RBM44: variants seen among roughly 807,000 people sequenced by gnomAD.
The protein encoded by RBM44 is RNA-binding protein 44.
Under a neutral mutation model 105.1 loss-of-function variants are expected in RBM44, and 66 were observed. That is an observed-to-expected ratio of 0.63 (90% CI 0.52 to 0.77). The LOEUF is 0.77. Ranked by LOEUF, RBM44 falls within the 30% of genes least tolerant of loss-of-function variation. The pLI is 0.00. For synonymous variants in RBM44, 365 were observed against 417.6 expected, an observed-to-expected ratio of 0.87 and a Z score of 1.54; for missense variants, 1,122 against 1,207.8, an observed-to-expected ratio of 0.93 and a Z score of 1.05.
intron 1 of RBM44, among the ~76,000 whole-genome samples, chr2:237,806,332 A>C: frequency 6.6e-6 from 1 of 152,216 alleles, no homozygotes; most frequent in East Asian, 1.9e-4. Flanking sequence ...TTCTGGTTCT[A>C]TTAACTTTTA....
chr2:237,817,626 G>T lies in RBM44; in HGVS notation c.707G>T (p.Arg236Leu), dbSNP rs1298075035. 2 of 1,612,920 alleles carry T rather than the reference G, an allele frequency of 1.2e-6. No individual in the cohort carries two copies. The highest frequency in any genetic ancestry group is 4.5e-5 in the East Asian group (2 of 44,796). Residue 236 changes from arginine to leucine, a missense_variant, in exon 3 of 16, where the codon CGT (arginine) becomes CTT (leucine). Arg to Leu is a moderately radical substitution (Grantham distance 102). Transcript: ENST00000316997. ...VKCASNVEDN[R>L]VNSGSGSIIS... is the part of the protein sequence containing the mutation. ...TGTGCTAGCAATGTAGAAGATAATCGTGTTAACTCGGGAAGTGGTTCTATC... is the reference window on the plus strand; with the variant it reads ...TGTGCTAGCAATGTAGAAGATAATCTTGTTAACTCGGGAAGTGGTTCTATC...
intron 12 of RBM44, 45 bp downstream of exon 12, chr2:237,827,548 T>C (rs1463085070): frequency 4.5e-6 from 5 of 1,117,120 alleles, no homozygotes; most frequent in Non-Finnish European, 6.6e-6. Context: ...ATGTGTCTGC[T>C]GTTTGCCAAA....
chr2:237,831,244 G>T (rs56080185), intron 13 of RBM44, among the ~76,000 whole-genome samples: 5,203 of 43,918 alleles, frequency 0.12, 207 homozygotes, highest in Middle Eastern at 0.22. Flanking sequence ...CCTTTTTTTT[G>T]GGGGGGGGGG....
intron 12 of RBM44, 36 bp from the exon 13 acceptor site, chr2:237,829,181 T>G: frequency 6.5e-7 from 1 of 1,530,732 alleles, no homozygotes; most frequent in Non-Finnish European, 8.8e-7. Flanking sequence ...TTTGAAGTCA[T>G]TAACAACCTT....
At position 237,803,348 on chromosome 2, in the gene RBM44, C is replaced by T. The variant is rs1457288598; in HGVS notation, c.-19+4487C>T. Among the ~76,000 whole-genome samples the T allele has an allele frequency of 1.3e-5, 2 of 150,626 alleles. No individual in the cohort carries two copies. The highest frequency in any genetic ancestry group is 3.0e-5 in the Non-Finnish European group (2 of 67,530). On this transcript the variant is annotated intron_variant, in intron 1 of 15. Coordinates refer to ENST00000316997, the MANE Select transcript of RBM44 (RefSeq NM_001080504.3). The surrounding 1 kb of genome is among the most constrained non-coding windows in gnomAD (Gnocchi z 4.2). ...TCTCTCTCTCACACACACACACATACTTTCTCTCTCACTCACACACACACA... is the reference window on the plus strand; with the variant it reads ...TCTCTCTCTCACACACACACACATATTTTCTCTCTCACTCACACACACACA...
intron 10 of RBM44, among the ~76,000 whole-genome samples, chr2:237,826,452 C>G (rs1157218988): frequency 6.6e-6 from 1 of 152,130 alleles, no homozygotes; most frequent in Non-Finnish European, 1.5e-5. Context: ...ATCATGCTGT[C>G]TAACTCAAGT....
At chr2:237,809,653 T>C (rs529273200) in intron 1 of RBM44, among the ~76,000 whole-genome samples, 1 of 152,362 alleles carries the variant, frequency 6.6e-6, no homozygotes, top group African/African-American at 2.4e-5. Context: ...ATTCAAGCAG[T>C]AGGTAATTAC....
chr2:237,831,634 G>A (rs1304230061), intron 13 of RBM44, among the ~76,000 whole-genome samples: 3 of 152,142 alleles, frequency 2.0e-5, no homozygotes, highest in Non-Finnish European at 4.4e-5. Flanking sequence ...TATATTCAAT[G>A]TCTGTTTCTT....
chr2:237,826,361 T>C (rs2061847909), intron 10 of RBM44, among the ~76,000 whole-genome samples: 1 of 152,152 alleles, frequency 6.6e-6, no homozygotes, highest in African/African-American at 2.4e-5. Flanking sequence ...ATAGAGACTA[T>C]GAAAACGTAC....
rs1259029143 is a variant in RBM44 at position 237,817,258 on chromosome 2, T to C, written c.339T>C (p.Ser113=). ...ATGCTTTCTTGAATAAAACATATTC[T>C]ATACCTTATTCAGAGTCAAAACTAA... ...TDYAFLNKTY[S]IPYSESKLKK... is the part of the protein sequence containing the mutation. Residue 113 remains serine (S), a synonymous_variant, in exon 3 of 16, where the codon TCT becomes TCC. Transcript: ENST00000316997. 6.2e-7 allele frequency: 1 copy of C among 1,607,944 alleles called. No individual in the cohort carries two copies. Among genetic ancestry groups the C allele is most frequent in the Non-Finnish European group, 8.5e-7 (1 of 1,177,326 alleles).
intron 12 of RBM44, among the ~76,000 whole-genome samples, chr2:237,828,853 G>T (rs537728474): frequency 6.6e-6 from 1 of 151,834 alleles, no homozygotes; most frequent in African/African-American, 2.4e-5. Context: ...TGAAGTTTAC[G>T]TTTATACATA....
chr2:237,804,650 T>G (rs1275960587), intron 1 of RBM44, among the ~76,000 whole-genome samples: 1 of 152,236 alleles, frequency 6.6e-6, no homozygotes, highest in Non-Finnish European at 1.5e-5. Context: ...TTTTCACTTG[T>G]TGATTTGTTT....
rs1234229654 is a variant in RBM44 at position 237,817,949 on chromosome 2, A to T, written c.1030A>T (p.Asn344Tyr). 24 of 1,603,434 alleles carry T rather than the reference A, an allele frequency of 1.5e-5. No homozygotes were observed. Among genetic ancestry groups the T allele is most frequent in the Non-Finnish European group, 1.9e-5 (22 of 1,176,860 alleles). Reference protein sequence around the residue: ...QINEGKDFCGNKIVENKILLH... With the variant: ...QINEGKDFCGYKIVENKILLH... Reference sequence around the variant, plus strand: ...AAATGAAGGTAAAGATTTTTGTGGAAATAAAATTGTTGAGAACAAAATATT... The same window carrying T: ...AAATGAAGGTAAAGATTTTTGTGGATATAAAATTGTTGAGAACAAAATATT... Residue 344 changes from asparagine to tyrosine, a missense_variant, in exon 3 of 16, where the codon AAT becomes TAT. By Grantham distance (143) the Asn-to-Tyr change is moderately radical. Coordinates refer to ENST00000316997, the MANE Select transcript of RBM44 (RefSeq NM_001080504.3).
chr2:237,820,987 A>C (rs2061780951), intron 5 of RBM44, 84 bp from the exon 6 acceptor site: 2 of 1,012,274 alleles, frequency 2.0e-6, no homozygotes, highest in Non-Finnish European at 2.8e-6. Context: ...GGAGTTCAAG[A>C]ACCAAGTGTA....
chr2:237,819,535 G>T (rs989531644), intron 4 of RBM44, among the ~76,000 whole-genome samples: 1 of 151,930 alleles, frequency 6.6e-6, no homozygotes, highest in African/African-American at 2.4e-5. Context: ...TGGCGTTTCA[G>T]TTCTATACAA....
At position 237,827,273 on chromosome 2, in the gene RBM44, CAA is replaced by C. The variant is rs750443805; in HGVS notation, c.2475_2476del (p.Asp827Ter). On this transcript the variant is annotated frameshift_variant, in exon 11 of 16. Transcript: ENST00000316997. LOFTEE classifies it high-confidence loss of function. ...TGEMKNVEPS[Q>X]RDKGYLIHVG... ...AGAAATGAAGAATGTTGAACCCTCA[CAA>C]AGAGATAAAGGTTATTTGATACATG... The C allele has an allele frequency of 1.3e-6, 2 of 1,587,826 alleles. No homozygotes were observed. The highest frequency in any genetic ancestry group is 1.7e-6 in the Non-Finnish European group (2 of 1,161,190).
At chr2:237,800,394 ACTT>A (rs2061533460) in intron 1 of RBM44, among the ~76,000 whole-genome samples, 1 of 152,190 alleles carries the variant, frequency 6.6e-6, no homozygotes, top group Non-Finnish European at 1.5e-5. Context: ...ATCTGCAAGT[ACTT>A]CCGTTATACT....
rs1377074234 is a variant in RBM44, at chr2:237,842,167, A to G, written c.*351A>G. The G allele has an allele frequency of 6.6e-6, 1 of 152,140 alleles. No homozygotes were observed. The highest frequency in any genetic ancestry group is 1.5e-5 in the Non-Finnish European group (1 of 67,982). 9.4% of individuals were successfully genotyped at this position (152,140 alleles called of 1,614,324 possible). ...AAAAACCTTTATTAAGTCACTTTTA[A>G]AATGTATTGACCAAGAAGGAGGTTT... On this transcript the variant is annotated 3_prime_UTR_variant, in exon 16 of 16. Coordinates refer to ENST00000316997, the MANE Select transcript of RBM44 (RefSeq NM_001080504.3).
chr2:237,816,211 A>C (rs1230173339), intron 2 of RBM44, among the ~76,000 whole-genome samples: 2 of 151,928 alleles, frequency 1.3e-5, no homozygotes, highest in East Asian at 3.8e-4. Flanking sequence ...TTTTTCAAAA[A>C]TTTACCTGCT....
Sources: allele counts gnomAD v4.1 joint callset (sites outside exome capture counted in the v4.1 genomes callset), GRCh38; gene constraint gnomAD v4.1.1; non-coding constraint Gnocchi (gnomAD v3.1); transcripts MANE v1.5; gene names NCBI Gene and HGNC (gene_info 2026-07-23, HGNC 2026-07-21).